The following AKAP11 variants were observed in gnomAD, a reference collection of about 807,000 sequenced individuals.
The protein encoded by AKAP11 is A-kinase anchoring protein 11, also known as A-kinase anchor protein 11.
In AKAP11, 36 loss-of-function variants were observed where a neutral mutation model predicts 146.1. The ratio of observed to expected loss-of-function variants is 0.25; its 90% CI spans 0.19 to 0.33. The LOEUF is 0.33. Ranked by LOEUF, AKAP11 falls within the 10% of genes least tolerant of loss-of-function variation. AKAP11 has a pLI of 1.00. For missense variants in AKAP11, 2,201 were observed against 2,197.0 expected, an observed-to-expected ratio of 1.00 and a Z score of -0.04; for synonymous variants, 780 against 786.5, an observed-to-expected ratio of 0.99 and a Z score of 0.14.
intron 8 of AKAP11, among the ~76,000 whole-genome samples, chr13:42,306,659 A>G (rs1302578238): frequency 6.6e-6 from 1 of 152,186 alleles, no homozygotes; most frequent in African/African-American, 2.4e-5. Flanking sequence ...TTCTAAAGTT[A>G]AATTTGTCTT....
rs940194705 is a variant in AKAP11 at position 42,301,250 on chromosome 13, A to G, written c.2504A>G (p.Asn835Ser). ...NREEKAACLR[N>S]ICLPSEHNPG... is the part of the protein sequence containing the mutation. Reference sequence around the variant, plus strand: ...GAAGAAAAAGCAGCTTGTCTCAGAAATATTTGTTTACCTTCAGAACACAAT... The same window carrying G: ...GAAGAAAAAGCAGCTTGTCTCAGAAGTATTTGTTTACCTTCAGAACACAAT... The change falls in exon 8 of 13, where the codon AAT becomes AGT. Residue 835 changes from asparagine (N) to serine (S), a missense_variant. By Grantham distance (46) the Asn-to-Ser change is conservative (BLOSUM62 1). Around this residue, in one of 3 missense-constraint regions of AKAP11, gnomAD observed 1,867 missense variants for 1,833.5 expected, o/e 1.02. Transcript: ENST00000025301. 1 of 1,613,982 alleles carries G rather than the reference A, an allele frequency of 6.2e-7. No homozygotes were observed. Among genetic ancestry groups the G allele is most frequent in the South Asian group, 1.1e-5 (1 of 91,068 alleles).
intron 8 of AKAP11, among the ~76,000 whole-genome samples, chr13:42,304,672 G>C (rs528275326): frequency 6.6e-6 from 1 of 152,170 alleles, no homozygotes; most frequent in East Asian, 1.9e-4. Context: ...TCTCTTGATT[G>C]GTTCACAATC....
intron 12 of AKAP11, among the ~76,000 whole-genome samples, chr13:42,318,095 A>G (rs771718216): frequency 2.6e-5 from 4 of 152,226 alleles, no homozygotes; most frequent in Non-Finnish European, 5.9e-5. Flanking sequence ...AATGATTAAT[A>G]TATCTGTTTC....
rs1253946495 is a variant in AKAP11, at chr13:42,299,774, A to AT, written c.1029dup (p.Asp344Ter). On this transcript the variant is annotated frameshift_variant, in exon 8 of 13. Coordinates refer to ENST00000025301, the MANE Select transcript of AKAP11 (RefSeq NM_016248.4). LOFTEE classifies it high-confidence loss of function. ...CTGCCTAAAATTCCTGTGATGAAAG[A>AT]TGATATAGAGGATTCAGACTCAGAA... 6.2e-7 allele frequency: 1 copy of AT among 1,613,860 alleles called. No individual in the cohort carries two copies. Among genetic ancestry groups the AT allele is most frequent in the African/African-American group, 1.3e-5 (1 of 74,932 alleles).
intron 8 of AKAP11, among the ~76,000 whole-genome samples, chr13:42,306,356 A>G (rs1960260605): frequency 6.6e-6 from 1 of 151,942 alleles, no homozygotes; most frequent in South Asian, 2.1e-4. Context: ...TCCCACCCTC[A>G]TGGGAAGAAA....
chr13:42,275,980 C>A (rs774464299), intron 1 of AKAP11, among the ~76,000 whole-genome samples: 3 of 152,164 alleles, frequency 2.0e-5, no homozygotes, highest in African/African-American at 4.8e-5. Context: ...AAAACCATTT[C>A]TTGACTTCAG....
At chr13:42,313,233 C>G in intron 10 of AKAP11, 103 bp downstream of exon 10, 1 of 771,312 alleles carries the variant, frequency 1.3e-6, no homozygotes, top group African/African-American at 1.8e-5. Context: ...TATGTATCAA[C>G]CTGCTTTTCT....
intron 11 of AKAP11, among the ~76,000 whole-genome samples, chr13:42,315,517 G>T (rs191705279): frequency 6.6e-6 from 1 of 150,414 alleles, no homozygotes; most frequent in Non-Finnish European, 1.5e-5. Flanking sequence ...ATGTGGTTAC[G>T]TATTCTCTAA....
In AKAP11 at chr13:42,278,755, G is replaced by A. The variant is rs543644167; in HGVS notation, c.-100+6527G>A. 5.2e-4 allele frequency among the ~76,000 whole-genome samples: 79 copies of A among 152,140 alleles called. No homozygotes were observed. In the South Asian group the frequency reaches 0.015, roughly 28 times the overall value. Reference sequence around the variant, plus strand: ...CATTTCAGATGTTCTTTATTCCTTCGTGTAAGATTCAGATTTCCATCTGGT... The same window carrying A: ...CATTTCAGATGTTCTTTATTCCTTCATGTAAGATTCAGATTTCCATCTGGT... On this transcript the variant is annotated intron_variant, in intron 1 of 12. Transcript: ENST00000025301.
chr13:42,300,711 T>C lies in AKAP11; in HGVS notation c.1965T>C (p.Val655=). Residue 655 remains valine, a synonymous_variant, in exon 8 of 13, where the codon GTT becomes GTC. Transcript: ENST00000025301. The part of the protein sequence containing the change: ...RFAADLAEEL[V]FEGIMEVCQF... Reference sequence around the variant, plus strand: ...CTGCAGATCTTGCTGAAGAGCTTGTTTTTGAAGGCATCATGGAGGTGTGTC... The same window carrying C: ...CTGCAGATCTTGCTGAAGAGCTTGTCTTTGAAGGCATCATGGAGGTGTGTC... The C allele has an allele frequency of 6.2e-7, 1 of 1,614,108 alleles. No individual in the cohort carries two copies. The highest frequency in any genetic ancestry group is 8.5e-7 in the Non-Finnish European group (1 of 1,179,944).
At chr13:42,277,297 T>G (rs1423088995) in intron 1 of AKAP11, among the ~76,000 whole-genome samples, 1 of 152,242 alleles carries the variant, frequency 6.6e-6, no homozygotes, top group African/African-American at 2.4e-5. Flanking sequence ...AATGAGTTTT[T>G]TATTATGAAA....
chr13:42,307,062 T>C (rs1442063357), intron 8 of AKAP11, among the ~76,000 whole-genome samples: 1 of 152,224 alleles, frequency 6.6e-6, no homozygotes, highest in Non-Finnish European at 1.5e-5. Context: ...ACAGTCATTA[T>C]AAACTCTTCT....
chr13:42,319,103 C>T lies in AKAP11; in HGVS notation c.5581C>T (p.Gln1861Ter), dbSNP rs765016299. 6.2e-7 allele frequency: 1 copy of T among 1,613,596 alleles called. No homozygotes were observed. The highest frequency in any genetic ancestry group is 1.1e-5 in the South Asian group (1 of 90,948). The change falls in exon 13 of 13, where the codon CAA becomes TAA. Residue 1861 changes from glutamine to a stop codon, truncating the protein, a stop_gained. Transcript: ENST00000025301. LOFTEE classifies it high-confidence loss of function. ...KEFMLLSKQLQEKGWKVGDLL... is the reference protein window; with the variant it reads ...KEFMLLSKQL The stretch of plus-strand genomic sequence containing the variant: ...TCTTTCTTAGCTTTCAAAACAATTA[C>T]AAGAGAAAGGATGGAAAGTGGGAGA...
chr13:42,299,384 G>T lies in AKAP11; in HGVS notation c.638G>T (p.Arg213Met). ...ATAGGAATGAACATTACTGTGCTAA[G>T]GAGCCAGTGTGATGCTGCTTCCCAG... is the stretch of plus-strand genomic sequence containing the variant. ...YNDGMNITVL[R>M]SQCDAASQTV... Residue 213 changes from arginine (R) to methionine (M), a missense_variant, in exon 8 of 13, where the codon AGG becomes ATG. Around this residue, in one of 3 missense-constraint regions of AKAP11, gnomAD observed 331 missense variants for 347.4 expected, o/e 0.95. Transcript: ENST00000025301. The T allele has an allele frequency of 6.2e-7, 1 of 1,613,360 alleles. No individual in the cohort carries two copies. Among genetic ancestry groups the T allele is most frequent in the Non-Finnish European group, 8.5e-7 (1 of 1,179,660 alleles).
chr13:42,280,886 G>T (rs1220160781), intron 1 of AKAP11, among the ~76,000 whole-genome samples: 1 of 152,222 alleles, frequency 6.6e-6, no homozygotes, highest in African/African-American at 2.4e-5. Flanking sequence ...ACTAGGCGAG[G>T]TAGTCTGTAG....
At position 42,319,455 on chromosome 13, in the gene AKAP11, G is replaced by A. The variant is rs762096001; in HGVS notation, c.*227G>A. The A allele has an allele frequency of 5.2e-5, 27 of 517,156 alleles. No individual in the cohort carries two copies. The highest frequency in any genetic ancestry group is 5.3e-4 in the Middle Eastern group (1 of 1,894). 32.0% of individuals were successfully genotyped at this position (517,156 alleles called of 1,614,324 possible). ...ATTTATTCTTCTATACACATGTGTA[G>A]TGTGTCAAGACCCTAAGAACATGTA... On this transcript the variant is annotated 3_prime_UTR_variant, in exon 13 of 13. Transcript: ENST00000025301.
chr13:42,310,378 A>G (rs1960494670), intron 9 of AKAP11, among the ~76,000 whole-genome samples: 1 of 152,206 alleles, frequency 6.6e-6, no homozygotes, highest in South Asian at 2.1e-4. Context: ...AGATTTATGA[A>G]GTCAGTGAAG....
At chr13:42,293,219 C>T (rs1959298706) in intron 4 of AKAP11, among the ~76,000 whole-genome samples, 1 of 152,100 alleles carries the variant, frequency 6.6e-6, no homozygotes, top group Non-Finnish European at 1.5e-5. Flanking sequence ...ATAGATGCTC[C>T]TGGACTTATG....
At chr13:42,306,717 T>G (rs941610879) in intron 8 of AKAP11, among the ~76,000 whole-genome samples, 3 of 152,262 alleles carry the variant, frequency 2.0e-5, no homozygotes, top group African/African-American at 7.2e-5. Flanking sequence ...TTTAAGGTAT[T>G]ATTTCACCTG....
Sources: gnomAD v4.1 joint callset for allele counts (sites outside exome capture counted in the v4.1 genomes callset) on GRCh38, gnomAD v4.1.1 for gene constraint, gnomAD v4.1.1 regional missense constraint, MANE v1.5 for transcripts, NCBI Gene and HGNC (gene_info 2026-07-23, HGNC 2026-07-21) for gene names.